Variants in UGCG observed in about 807,000 individuals in gnomAD.
UGCG encodes the protein ceramide glucosyltransferase.
Under a neutral mutation model 49.5 loss-of-function variants are expected in UGCG, and 10 were observed. The observed-to-expected ratio is 0.20, with a 90% CI of 0.12 to 0.34. UGCG has a LOEUF of 0.34. UGCG is among the 10% of genes least tolerant of loss of function. The pLI is 1.00. For missense variants in UGCG, 312 were observed against 483.7 expected, an observed-to-expected ratio of 0.65 and a Z score of 3.33; for synonymous variants, 182 against 158.2, an observed-to-expected ratio of 1.15 and a Z score of -1.13.
chr9:111,923,409 C>CAAA (rs1838261569), intron 3 of UGCG, among the ~76,000 whole-genome samples: 1 of 151,540 alleles, frequency 6.6e-6, no homozygotes, highest in Non-Finnish European at 1.5e-5. Context: ...TCTAAAAAAC[C>CAAA]AGTAAGTCGT....
chr9:111,919,655 C>T (rs1349095851), intron 2 of UGCG, among the ~76,000 whole-genome samples: 2 of 145,228 alleles, frequency 1.4e-5, no homozygotes, highest in African/African-American at 2.6e-5. Flanking sequence ...ATTAGCCGGG[C>T]GTGGTGGCGG....
At chr9:111,912,257 T>C (rs1053585265) in intron 1 of UGCG, among the ~76,000 whole-genome samples, 1 of 151,836 alleles carries the variant, frequency 6.6e-6, no homozygotes, top group African/African-American at 2.4e-5. Flanking sequence ...TTCCAAACTA[T>C]CTATGGCAAA....
chr9:111,932,806 A>C, intron 8 of UGCG, 21 bp from the exon 9 acceptor site: 1 of 1,532,538 alleles, frequency 6.5e-7, no homozygotes, highest in Non-Finnish European at 8.8e-7. Flanking sequence ...GAAATTAAAA[A>C]ATTTTTTTTT....
chr9:111,920,309 CCTT>C (rs745990704), intron 2 of UGCG, among the ~76,000 whole-genome samples: 96 of 152,180 alleles, frequency 6.3e-4, no homozygotes, highest in Middle Eastern at 6.8e-3. Context: ...TATTAGCTAA[CCTT>C]CTTCATTAAC....
intron 2 of UGCG, 179 bp from the exon 3 acceptor site, chr9:111,922,670 C>T: frequency 5.1e-6 from 2 of 392,502 alleles, no homozygotes; most frequent in Non-Finnish European, 9.1e-6. Flanking sequence ...TTAGAAGCTT[C>T]ACTCCATTAA....
At chr9:111,904,987 G>C (rs1325919578) in intron 1 of UGCG, among the ~76,000 whole-genome samples, 1 of 152,152 alleles carries the variant, frequency 6.6e-6, no homozygotes, top group Non-Finnish European at 1.5e-5. Context: ...AAATTAGCCA[G>C]AGGCAGTGGT....
chr9:111,897,782 C>G (rs1837691961), intron 1 of UGCG, among the ~76,000 whole-genome samples: 1 of 151,690 alleles, frequency 6.6e-6, no homozygotes, highest in African/African-American at 2.4e-5. Flanking sequence ...GGGCTCTATG[C>G]GCTTAGATAG....
In UGCG at chr9:111,912,029, GATAT is replaced by G. The variant is rs60468274; in HGVS notation, c.99-2555_99-2552del. On this transcript the variant is annotated intron_variant, in intron 1 of 8. Transcript: ENST00000374279. Reference sequence around the variant, plus strand: ...CAGGATACATATATATATTCAACAGGATATATATATATATATATATATATCCTGT... The same window carrying G: ...CAGGATACATATATATATTCAACAGGATATATATATATATATATATCCTGT... Among the ~76,000 whole-genome samples, 198 of 64,584 alleles carry G rather than the reference GATAT, an allele frequency of 3.1e-3. 17 individuals carry two copies. The highest frequency in any genetic ancestry group is 0.012 in the African/African-American group (151 of 12,414). The allele number at this position is 64,584 out of a possible 152,430, so 42.4% of individuals were successfully genotyped here. A position where few individuals can be genotyped will look rare whatever the true frequency, so the allele number is the denominator to read the frequency against.
rs192998827 is a variant in UGCG at position 111,912,050 on chromosome 9, A to G, written c.99-2555A>G. On this transcript the variant is annotated intron_variant, in intron 1 of 8. Transcript: ENST00000374279. ...ACAGGATATATATATATATATATATATATCCTGTTGAATCAATTAATTGTG... is the reference window on the plus strand; with the variant it reads ...ACAGGATATATATATATATATATATGTATCCTGTTGAATCAATTAATTGTG... Among the ~76,000 whole-genome samples, 11 of 142,848 alleles carry G rather than the reference A, an allele frequency of 7.7e-5. No homozygotes were observed. In the South Asian group the frequency reaches 1.4e-3, roughly 18 times the overall value. 93.7% of individuals were successfully genotyped at this position (142,848 alleles called of 152,430 possible). A position where few individuals can be genotyped will look rare whatever the true frequency, so the allele number is the denominator to read the frequency against.
chr9:111,904,227 C>G (rs1256860901), intron 1 of UGCG, among the ~76,000 whole-genome samples: 1 of 152,194 alleles, frequency 6.6e-6, no homozygotes, highest in Admixed American at 6.5e-5. Flanking sequence ...TATCTTGAAT[C>G]CATCCAATAA....
chr9:111,921,648 C>CAAA (rs1329952563), intron 2 of UGCG, among the ~76,000 whole-genome samples: 13 of 121,296 alleles, frequency 1.1e-4, no homozygotes, highest in Non-Finnish European at 1.2e-4. Context: ...GACTCTGTCT[C>CAAA]AAAAAAAAAA....
intron 1 of UGCG, among the ~76,000 whole-genome samples, chr9:111,913,599 A>AT (rs35083061): frequency 0.059 from 7,757 of 132,152 alleles, 254 homozygotes; most frequent in Non-Finnish European, 0.078. Flanking sequence ...CGCCCAGCTA[A>AT]TTTTTTTTTT....
chr9:111,925,883 T>C (rs935438859), intron 4 of UGCG, among the ~76,000 whole-genome samples: 1 of 152,236 alleles, frequency 6.6e-6, no homozygotes, highest in Non-Finnish European at 1.5e-5. Flanking sequence ...TTTGCTATCT[T>C]AAATTATTTA....
chr9:111,900,205 G>T (rs1291521251), intron 1 of UGCG, among the ~76,000 whole-genome samples: 1 of 151,452 alleles, frequency 6.6e-6, no homozygotes, highest in Non-Finnish European at 1.5e-5. Context: ...GCCTAGACCT[G>T]ATGGTAGTGT....
At position 111,922,861 on chromosome 9, in the gene UGCG, C is replaced by A; in HGVS notation, c.253C>A (p.Leu85Ile). 1 of 1,610,258 alleles carries A rather than the reference C, an allele frequency of 6.2e-7. No individual in the cohort carries two copies. The part of the protein sequence containing the change: ...ELDYPKYEVL[L>I]CVQDHDDPAI... ...GCTTTTTGACTAGTATGAAGTGCTC[C>A]TTTGTGTACAAGATCATGATGATCC... is the stretch of plus-strand genomic sequence containing the variant. Residue 85 changes from leucine to isoleucine, a missense_variant, in exon 3 of 9, where the codon CTT (leucine) becomes ATT (isoleucine). Transcript: ENST00000374279.
chr9:111,904,428 C>T (rs1006834995), intron 1 of UGCG, among the ~76,000 whole-genome samples: 1 of 152,194 alleles, frequency 6.6e-6, no homozygotes, highest in African/African-American at 2.4e-5. Context: ...TTCATTCTAC[C>T]GCATTCTTGG....
chr9:111,910,856 A>T (rs1589520628), intron 1 of UGCG, among the ~76,000 whole-genome samples: 1 of 152,000 alleles, frequency 6.6e-6, no homozygotes, highest in East Asian at 1.9e-4. Context: ...AGGGATTCTC[A>T]TGCCTCAGCC....
chr9:111,914,557 A>G (rs1467764216), intron 1 of UGCG, 48 bp from the exon 2 acceptor site: 1 of 1,565,548 alleles, frequency 6.4e-7, no homozygotes, highest in South Asian at 1.2e-5. Flanking sequence ...CTTTGATTTG[A>G]CACTAATGTA....
At chr9:111,922,165 T>A (rs1318186578) in intron 2 of UGCG, among the ~76,000 whole-genome samples, 2 of 152,106 alleles carry the variant, frequency 1.3e-5, no homozygotes, top group African/African-American at 4.8e-5. Context: ...CTTTCTTAAT[T>A]TACTGTTAAA....
Sources: allele counts gnomAD v4.1 joint callset (sites outside exome capture counted in the v4.1 genomes callset), GRCh38; gene constraint gnomAD v4.1.1; transcripts MANE v1.5; gene names NCBI Gene and HGNC (gene_info 2026-07-23, HGNC 2026-07-21).